PPP4R3B: variants seen among roughly 807,000 people sequenced by gnomAD.
PPP4R3B encodes the protein serine/threonine-protein phosphatase 4 regulatory subunit 3B.
In PPP4R3B, 52 loss-of-function variants were observed where a neutral mutation model predicts 95.4. That is an observed-to-expected ratio of 0.54 (90% CI 0.44 to 0.69). The LOEUF is 0.69. Among genes scored for constraint, PPP4R3B ranks in the 30% least tolerant of loss-of-function variants. The pLI, the probability that PPP4R3B is intolerant of heterozygous loss-of-function variation, is 0.00. For synonymous variants in PPP4R3B, 407 were observed against 343.9 expected, an observed-to-expected ratio of 1.18 and a Z score of -2.03; for missense variants, 1,003 against 1,005.9, an observed-to-expected ratio of 1.00 and a Z score of 0.04.
intron 2 of PPP4R3B, chr2:55,615,186 A>G (rs1694716925): frequency 3.9e-5 from 15 of 379,924 alleles, no homozygotes; most frequent in South Asian, 3.9e-4. Context: ...CAAGGTATAG[A>G]AGAGACTTGG....
chr2:55,605,580 C>T (rs1693260013), intron 2 of PPP4R3B, among the ~76,000 whole-genome samples: 1 of 152,066 alleles, frequency 6.6e-6, no homozygotes, highest in Admixed American at 6.6e-5. Flanking sequence ...CAGAGTTAGT[C>T]TAAAATTCTC....
chr2:55,591,418 C>T (rs927867988), intron 4 of PPP4R3B: 4 of 581,204 alleles, frequency 6.9e-6, no homozygotes, highest in Non-Finnish European at 8.7e-6. Context: ...GCTAGGACTA[C>T]AGGCATGAGC....
chr2:55,590,086 G>A (rs1401302435), intron 4 of PPP4R3B, among the ~76,000 whole-genome samples: 1 of 150,364 alleles, frequency 6.7e-6, no homozygotes, highest in African/African-American at 2.4e-5. Context: ...CCAGCACTTT[G>A]GGAGGCTGAG....
intron 1 of PPP4R3B, 50 bp from the exon 2 acceptor site, chr2:55,615,556 A>C (rs1559067699): frequency 5.9e-6 from 8 of 1,354,704 alleles, no homozygotes; most frequent in Non-Finnish European, 8.2e-6. Flanking sequence ...TAAAACCCTG[A>C]ATAAAAATTA....
At chr2:55,615,618 T>C in intron 1 of PPP4R3B, 112 bp from the exon 2 acceptor site, 3 of 652,902 alleles carry the variant, frequency 4.6e-6, no homozygotes, top group Middle Eastern at 4.5e-4. Flanking sequence ...TCCTAGCACT[T>C]TGGGAGGCGG....
chr2:55,576,223 C>A (rs778309987), intron 11 of PPP4R3B, among the ~76,000 whole-genome samples: 9 of 152,232 alleles, frequency 5.9e-5, no homozygotes, highest in Non-Finnish European at 1.0e-4. Context: ...GTGGTGCACA[C>A]CTGTGATCCC....
chr2:55,595,951 T>G (rs1421826470), intron 4 of PPP4R3B, among the ~76,000 whole-genome samples: 2 of 152,178 alleles, frequency 1.3e-5, no homozygotes, highest in Non-Finnish European at 2.9e-5. Flanking sequence ...TATAGGCTAC[T>G]GTTACAAGTA....
intron 15 of PPP4R3B, among the ~76,000 whole-genome samples, chr2:55,560,006 C>A (rs899089234): frequency 6.6e-6 from 1 of 151,996 alleles, no homozygotes; most frequent in Non-Finnish European, 1.5e-5. Context: ...CCTATAATCC[C>A]AGCTGCTCTG....
At chr2:55,583,426 C>G (rs183154148) in intron 7 of PPP4R3B, among the ~76,000 whole-genome samples, 106 of 151,970 alleles carry the variant, frequency 7.0e-4, no homozygotes, top group African/African-American at 2.5e-3. Context: ...CACTGCTTTT[C>G]TAAGTCTTAG....
intron 15 of PPP4R3B, among the ~76,000 whole-genome samples, chr2:55,559,726 A>G (rs1001432293): frequency 1.3e-5 from 2 of 152,174 alleles, no homozygotes; most frequent in African/African-American, 4.8e-5. Flanking sequence ...AGTCAATTAT[A>G]CCTCTTTTCT....
intron 12 of PPP4R3B, 149 bp downstream of exon 12, chr2:55,573,470 C>A: frequency 5.8e-6 from 4 of 690,772 alleles, no homozygotes. Context: ...ACAACCTAGT[C>A]CTCTTGCCCT....
rs2103715768 is a variant in PPP4R3B, at chr2:55,549,637, C to T, written c.*274G>A. The T allele has an allele frequency of 2.6e-6, 1 of 387,018 alleles. No homozygotes were observed. Among genetic ancestry groups the T allele is most frequent in the East Asian group, 5.6e-5 (1 of 17,744 alleles). 24.0% of individuals were successfully genotyped at this position (387,018 alleles called of 1,614,324 possible). On this transcript the variant is annotated 3_prime_UTR_variant, in exon 17 of 17. Transcript: ENST00000616407. ...CCCTAAACCGTCCCCAAACCTGTGA[C>T]TTTTCCTTGCTGAGAAGCTGTCTCC...
chr2:55,569,646 G>A (rs945318336), intron 12 of PPP4R3B, among the ~76,000 whole-genome samples: 1 of 152,184 alleles, frequency 6.6e-6, no homozygotes, highest in Non-Finnish European at 1.5e-5. Flanking sequence ...CGTGACCCAT[G>A]TGGCCTTACC....
At chr2:55,587,528 G>A (rs1012390329) in intron 5 of PPP4R3B, among the ~76,000 whole-genome samples, 1 of 152,212 alleles carries the variant, frequency 6.6e-6, no homozygotes, top group African/African-American at 2.4e-5. Flanking sequence ...AGGTTGCAGT[G>A]AGTTGAAATC....
In PPP4R3B at chr2:55,587,993, T is replaced by C. The variant is rs530018267; in HGVS notation, c.999+886A>G. On this transcript the variant is annotated intron_variant, in intron 5 of 16. Coordinates refer to ENST00000616407, the MANE Select transcript of PPP4R3B (RefSeq NM_001122964.3). The stretch of plus-strand genomic sequence containing the variant: ...AATTCAATATCAGATAGCTAAATTA[T>C]AGAATTGAATATGCATTACTATAAC... 7.2e-5 allele frequency among the ~76,000 whole-genome samples: 11 copies of C among 152,328 alleles called. No individual in the cohort carries two copies. The East Asian group carries it at 1.5e-3, about 21-fold the overall frequency.
In PPP4R3B at chr2:55,558,969, C is replaced by T; in HGVS notation, c.2261-1G>A. ...TTTTCCTTGTCTTCACTTTCTTTTG[C>T]TAAAGCAAAAGTAAAATTTTGAACG... is the stretch of plus-strand genomic sequence containing the variant. On this transcript the variant is annotated splice_acceptor_variant, in intron 15 of 16. Transcript: ENST00000616407. LOFTEE classifies it high-confidence loss of function. The T allele has an allele frequency of 6.2e-7, 1 of 1,601,286 alleles. No homozygotes were observed. The highest frequency in any genetic ancestry group is 1.1e-5 in the South Asian group (1 of 88,762).
chr2:55,558,078 G>A lies in PPP4R3B; in HGVS notation c.2454+697C>T, dbSNP rs918062694. Among the ~76,000 whole-genome samples the A allele has an allele frequency of 3.3e-5, 5 of 151,960 alleles. No homozygotes were observed. In the South Asian group the frequency reaches 1.0e-3, roughly 32 times the overall value. On this transcript the variant is annotated intron_variant, in intron 16 of 16. Transcript: ENST00000616407. The stretch of plus-strand genomic sequence containing the variant: ...TATATACTGTCTCCCCTACCTAACT[G>A]GCAAATACTAAAAATAATTATAGCA...
At chr2:55,576,644 G>A (rs1339393043) in intron 11 of PPP4R3B, among the ~76,000 whole-genome samples, 1 of 151,980 alleles carries the variant, frequency 6.6e-6, no homozygotes, top group African/African-American at 2.4e-5. Flanking sequence ...GGAGCTTGCA[G>A]TGAGCCGAGA....
At position 55,599,019 on chromosome 2, in the gene PPP4R3B, T is replaced by C. The variant is rs1160453574; in HGVS notation, c.318A>G (p.Ser106=). 1.2e-6 allele frequency: 2 copies of C among 1,613,286 alleles called. No homozygotes were observed. The highest frequency in any genetic ancestry group is 4.5e-5 in the East Asian group (2 of 44,880). Residue 106 remains serine (S), a synonymous_variant, in exon 4 of 17, where the codon TCA becomes TCG. Transcript: ENST00000616407. ...KICQVQGKDP[S]VEVTQDLIDE... ...CAATGAGGTCCTGTGTGACTTCCAC[T>C]GATGGGTCTTTACCTTGAACCTAAA...
Sources: allele counts gnomAD v4.1 joint callset (sites outside exome capture counted in the v4.1 genomes callset), GRCh38; gene constraint gnomAD v4.1.1; transcripts MANE v1.5; gene names NCBI Gene and HGNC (gene_info 2026-07-23, HGNC 2026-07-21).